GRK5: variants seen among roughly 807,000 people sequenced by gnomAD.
The protein encoded by GRK5 is G protein-coupled receptor kinase 5.
GRK5 carries 40 observed loss-of-function variants against 78.4 expected under a neutral mutation model. That is an observed-to-expected ratio of 0.51 (90% confidence interval 0.40 to 0.66). GRK5 has a LOEUF of 0.66. GRK5 is among the 30% of genes least tolerant of loss of function. GRK5 has a pLI of 0.00. For synonymous variants in GRK5, 289 were observed against 296.8 expected (o/e 0.97, Z 0.27); for missense variants, 598 against 759.9 (o/e 0.79, Z 2.50).
chr10:119,337,715 G>A (rs1213084469), intron 2 of GRK5, among the ~76,000 whole-genome samples: 4 of 151,894 alleles, frequency 2.6e-5, no homozygotes, highest in African/African-American at 9.7e-5. Flanking sequence ...CACCTCCCGG[G>A]TTCAAGCAAT....
chr10:119,258,036 A>G (rs11198847), intron 1 of GRK5, among the ~76,000 whole-genome samples: 20,392 of 152,172 alleles, frequency 0.13, 1,462 homozygotes, highest in Middle Eastern at 0.18. Flanking sequence ...CCACGTAGTT[A>G]GTACACATGG....
At chr10:119,425,264 C>T (rs1262777151) in intron 6 of GRK5, among the ~76,000 whole-genome samples, 179 bp downstream of exon 6, 1 of 112,746 alleles carries the variant, frequency 8.9e-6, no homozygotes, top group Non-Finnish European at 1.9e-5. Flanking sequence ...CAAGCACACA[C>T]ACATACACAC....
In GRK5 at chr10:119,454,847, A is replaced by C; in HGVS notation, c.1675-122A>C. On this transcript the variant is annotated intron_variant, in intron 15 of 15. Coordinates refer to ENST00000392870, the MANE Select transcript of GRK5 (RefSeq NM_005308.3). ...GGCCCTTGTACCTGGCTCTGAGGGG[A>C]GACTGCAAAAGGCAATAAAAAGCAA... 3 of 650,880 alleles carry C rather than the reference A, an allele frequency of 4.6e-6. No homozygotes were observed. The South Asian group carries it at 5.3e-5, about 12-fold the overall frequency. The allele number at this position is 650,880 out of a possible 1,614,324, so 40.3% of individuals were successfully genotyped here.
At chr10:119,313,345 GGGT>G (rs965853985) in intron 1 of GRK5, among the ~76,000 whole-genome samples, 2 of 150,746 alleles carry the variant, frequency 1.3e-5, no homozygotes, top group African/African-American at 2.4e-5. Context: ...GTGATGGGGA[GGGT>G]GGTGGTGATG....
intron 1 of GRK5, among the ~76,000 whole-genome samples, chr10:119,243,403 A>G (rs935337044): frequency 3.3e-5 from 5 of 152,186 alleles, no homozygotes; most frequent in African/African-American, 9.6e-5. Context: ...AAGAAGTAGA[A>G]CATTACAAAA....
chr10:119,255,510 C>T (rs561564882), intron 1 of GRK5, among the ~76,000 whole-genome samples: 2 of 152,150 alleles, frequency 1.3e-5, no homozygotes, highest in South Asian at 4.1e-4. Context: ...TTTTCACTGG[C>T]GTGGACTCTT....
intron 3 of GRK5, among the ~76,000 whole-genome samples, chr10:119,394,230 G>GT (rs1306168257): frequency 7.0e-6 from 1 of 143,214 alleles, no homozygotes; most frequent in Non-Finnish European, 1.5e-5. Flanking sequence ...GTGTGGGTGT[G>GT]GGTGTGTGGG....
At chr10:119,437,966 C>CA (rs1852956517) in intron 9 of GRK5, among the ~76,000 whole-genome samples, 1 of 152,178 alleles carries the variant, frequency 6.6e-6, no homozygotes, top group Non-Finnish European at 1.5e-5. Flanking sequence ...GATGCGGTGG[C>CA]ACGCGCCTGT....
At chr10:119,311,914 A>AC (rs34048341) in intron 1 of GRK5, among the ~76,000 whole-genome samples, 96,310 of 137,674 alleles carry the variant, frequency 0.7, 35,810 homozygotes, top group East Asian at 0.84. Flanking sequence ...TGAATTGTTC[A>AC]TTTTTTTTTT....
In GRK5 at chr10:119,448,122, G is replaced by A; in HGVS notation, c.1267-1G>A. 6.5e-7 allele frequency: 1 copy of A among 1,545,296 alleles called. No individual in the cohort carries two copies. Among genetic ancestry groups the A allele is most frequent in the Non-Finnish European group, 8.7e-7 (1 of 1,152,450 alleles). On this transcript the variant is annotated splice_acceptor_variant, in intron 12 of 15. Coordinates refer to ENST00000392870, the MANE Select transcript of GRK5 (RefSeq NM_005308.3). LOFTEE classifies it high-confidence loss of function. ...TGGCTTCATGGGGCTCTCTGTTTCA[G>A]CTGCTCACGAAAGATGCGAAGCAGA... is the stretch of plus-strand genomic sequence containing the variant.
chr10:119,410,247 C>G (rs1387660239), intron 4 of GRK5, among the ~76,000 whole-genome samples: 1 of 152,154 alleles, frequency 6.6e-6, no homozygotes, highest in Non-Finnish European at 1.5e-5. Flanking sequence ...GTGTATTTTC[C>G]TTTCCTTCTC....
Position 119,454,595 on chromosome 10 carries a change from C to CGGAAGCT in GRK5, c.1675-372_1675-366dup, listed in dbSNP as rs537980200. On this transcript the variant is annotated intron_variant, in intron 15 of 15. Transcript: ENST00000392870. ...ATTGTATCCTCCCAGCCACCCTGTG[C>CGGAAGCT]GGAAGCTGCTCTTCTCCCGTGTTAC... 1.2e-4 allele frequency among the ~76,000 whole-genome samples: 18 copies of CGGAAGCT among 152,306 alleles called. No homozygotes were observed. The South Asian group carries it at 3.5e-3, about 30-fold the overall frequency.
At chr10:119,306,204 G>A (rs532795957) in intron 1 of GRK5, among the ~76,000 whole-genome samples, 6 of 152,296 alleles carry the variant, frequency 3.9e-5, no homozygotes, top group Admixed American at 2.0e-4. Flanking sequence ...CCAAGGACCC[G>A]TGGTGATTCT....
intron 2 of GRK5, among the ~76,000 whole-genome samples, chr10:119,351,650 T>C (rs530082112): frequency 6.6e-6 from 1 of 152,118 alleles, no homozygotes; most frequent in African/African-American, 2.4e-5. Flanking sequence ...ACTAAGACAC[T>C]ATTATAGGTG....
At chr10:119,389,515 T>C (rs1851852021) in intron 3 of GRK5, among the ~76,000 whole-genome samples, 1 of 152,182 alleles carries the variant, frequency 6.6e-6, no homozygotes, top group Admixed American at 6.5e-5. Flanking sequence ...ATAGTGCACA[T>C]CTGTGGGATC....
intron 3 of GRK5, among the ~76,000 whole-genome samples, chr10:119,388,883 A>T (rs1589779896): frequency 2.0e-5 from 3 of 152,074 alleles, no homozygotes; most frequent in African/African-American, 4.8e-5. Flanking sequence ...GGCAGGAGGG[A>T]GCCTCTCCAT....
In GRK5 at chr10:119,327,433, G is replaced by A. The variant is rs147434031; in HGVS notation, c.148+822G>A. On this transcript the variant is annotated intron_variant, in intron 2 of 15. Coordinates refer to ENST00000392870, the MANE Select transcript of GRK5 (RefSeq NM_005308.3). Reference sequence around the variant, plus strand: ...ATCACTGCCTGAGGGCTCCCCATCCGCTTATTATTGTCAGAGGTCATGGAC... The same window carrying A: ...ATCACTGCCTGAGGGCTCCCCATCCACTTATTATTGTCAGAGGTCATGGAC... Among the ~76,000 whole-genome samples, 430 of 152,260 alleles carry A rather than the reference G, an allele frequency of 2.8e-3. 4 individuals carry two copies. Among genetic ancestry groups the A allele is most frequent in the Middle Eastern group, 0.01 (3 of 294 alleles).
At position 119,260,288 on chromosome 10, in the gene GRK5, G is replaced by A. The variant is rs540253990; in HGVS notation, c.52+52319G>A. Among the ~76,000 whole-genome samples, 223 of 151,504 alleles carry A rather than the reference G, an allele frequency of 1.5e-3. 3 individuals carry two copies. Among genetic ancestry groups the A allele is most frequent in the Non-Finnish European group, 4.0e-4 (27 of 67,962 alleles). On this transcript the variant is annotated intron_variant, in intron 1 of 15. Coordinates refer to ENST00000392870, the MANE Select transcript of GRK5 (RefSeq NM_005308.3). ...AGTGCTGGGATTACAGGCGTGAGCC[G>A]CCGCACCGGCCAAGGTCAGTTTTTT... is the stretch of plus-strand genomic sequence containing the variant.
At chr10:119,309,856 C>T in intron 1 of GRK5, among the ~76,000 whole-genome samples, 1 of 152,222 alleles carries the variant, frequency 6.6e-6, no homozygotes, top group East Asian at 1.9e-4. Flanking sequence ...ACTAGGCATT[C>T]TTAGGCTCAA....
Sources: gnomAD v4.1 joint callset for allele counts (sites outside exome capture counted in the v4.1 genomes callset) on GRCh38, gnomAD v4.1.1 for gene constraint, MANE v1.5 for transcripts, NCBI Gene and HGNC (gene_info 2026-07-23, HGNC 2026-07-21) for gene names.